GHR: variants seen among roughly 807,000 people sequenced by gnomAD.
GHR encodes growth hormone receptor.
Under a neutral mutation model 67.1 loss-of-function variants are expected in GHR, and 35 were observed. The ratio of observed to expected loss-of-function variants is 0.52; its 90% CI spans 0.40 to 0.69. The LOEUF is 0.69. Among genes scored for constraint, GHR ranks in the 30% least tolerant of loss-of-function variants. The pLI is 0.00. For missense variants in GHR, 792 were observed against 764.6 expected (o/e 1.04, Z -0.42); for synonymous variants, 272 against 269.1 (o/e 1.01, Z -0.10).
intron 1 of GHR, among the ~76,000 whole-genome samples, chr5:42,553,261 G>A (rs1050738733): frequency 6.6e-6 from 1 of 152,154 alleles, no homozygotes; most frequent in African/African-American, 2.4e-5. Flanking sequence ...TGTTGTTAGG[G>A]CCTCTAGGGA....
At chr5:42,682,576 C>T (rs1756940666) in intron 3 of GHR, among the ~76,000 whole-genome samples, 1 of 152,162 alleles carries the variant, frequency 6.6e-6, no homozygotes, top group African/African-American at 2.4e-5. Flanking sequence ...TCTTCAGCCA[C>T]AGCGGCACAA....
chr5:42,575,394 A>G (rs921042935), intron 2 of GHR, among the ~76,000 whole-genome samples: 1 of 152,142 alleles, frequency 6.6e-6, no homozygotes, highest in African/African-American at 2.4e-5. Flanking sequence ...AAGGATTCCT[A>G]TGAAAGTGAA....
chr5:42,483,218 A>C (rs1321887786), intron 1 of GHR, among the ~76,000 whole-genome samples: 1 of 152,062 alleles, frequency 6.6e-6, no homozygotes. Flanking sequence ...CCCCTGGCTA[A>C]TTTTTGTATT....
chr5:42,666,646 G>A (rs1471568369), intron 3 of GHR, among the ~76,000 whole-genome samples: 1 of 152,086 alleles, frequency 6.6e-6, no homozygotes, highest in African/African-American at 2.4e-5. Flanking sequence ...AAAGACCCAT[G>A]GCTACCATAT....
intron 1 of GHR, among the ~76,000 whole-genome samples, chr5:42,526,544 A>T (rs1209996383): frequency 1.3e-5 from 2 of 152,272 alleles, no homozygotes; most frequent in African/African-American, 4.8e-5. Flanking sequence ...TTGGAAGAAT[A>T]CGTCAATAGA....
At position 42,720,364 on chromosome 5, in the gene GHR, T is replaced by C. The variant is rs1358181601; in HGVS notation, c.*940T>C. The C allele has an allele frequency of 6.6e-6, 1 of 152,102 alleles. No homozygotes were observed. Among genetic ancestry groups the C allele is most frequent in the African/African-American group, 2.4e-5 (1 of 41,410 alleles). 9.4% of individuals were successfully genotyped at this position (152,102 alleles called of 1,614,324 possible). ...AAAAAAAAATACATGCTAAGAGAAG[T>C]AGAAATCATAGCTGGTTCACACTGA... On this transcript the variant is annotated 3_prime_UTR_variant, in exon 10 of 10. Transcript: ENST00000230882.
intron 2 of GHR, among the ~76,000 whole-genome samples, chr5:42,594,744 C>A (rs1751977747): frequency 6.6e-6 from 1 of 151,996 alleles, no homozygotes; most frequent in African/African-American, 2.4e-5. Flanking sequence ...TATATTCTTA[C>A]AAATTATTAA....
At position 42,710,998 on chromosome 5, in the gene GHR, G is replaced by A. The variant is rs6873340; in HGVS notation, c.619-209G>A. ...AAGTCTATCATATCTTTGGGTTTAT[G>A]CCAAACTAAATTTGTGAACTATTAT... On this transcript the variant is annotated intron_variant, in intron 6 of 9. Coordinates refer to ENST00000230882, the MANE Select transcript of GHR (RefSeq NM_000163.5). Among the ~76,000 whole-genome samples, 116,711 of 152,110 alleles carry A rather than the reference G, an allele frequency of 0.77. 45,075 individuals are homozygous for A. Among genetic ancestry groups the A allele is most frequent in the East Asian group, 1 (5,184 of 5,190 alleles).
At chr5:42,466,945 G>A (rs1744757646) in intron 1 of GHR, 4 of 1,536,054 alleles carry the variant, frequency 2.6e-6, no homozygotes, top group Non-Finnish European at 3.5e-6. Context: ...AATGAAAGCT[G>A]CACCACACTT....
At chr5:42,571,701 A>T (rs1489140950) in intron 2 of GHR, among the ~76,000 whole-genome samples, 4 of 152,190 alleles carry the variant, frequency 2.6e-5, no homozygotes, top group Non-Finnish European at 5.9e-5. Context: ...AAATTCACAC[A>T]TGCCAGTGAT....
intron 3 of GHR, among the ~76,000 whole-genome samples, chr5:42,657,202 A>G (rs528635843): frequency 9.9e-5 from 15 of 152,232 alleles, no homozygotes; most frequent in African/African-American, 3.6e-4. Context: ...AGGCAGCAAA[A>G]CACAGCATGG....
At chr5:42,676,157 C>T (rs977228260) in intron 3 of GHR, among the ~76,000 whole-genome samples, 2 of 152,174 alleles carry the variant, frequency 1.3e-5, no homozygotes, top group Non-Finnish European at 2.9e-5. Context: ...TGGTGGCACA[C>T]GCCTGTAGTC....
At chr5:42,562,893 C>T (rs1274019650) in intron 1 of GHR, among the ~76,000 whole-genome samples, 1 of 152,094 alleles carries the variant, frequency 6.6e-6, no homozygotes, top group Non-Finnish European at 1.5e-5. Flanking sequence ...TCACGATCTG[C>T]CTGCCTCGGC....
intron 3 of GHR, among the ~76,000 whole-genome samples, chr5:42,674,542 T>C (rs570389366): frequency 6.6e-6 from 1 of 152,332 alleles, no homozygotes; most frequent in South Asian, 2.1e-4. Flanking sequence ...CAACCACTAA[T>C]CTACTTTTCT....
chr5:42,510,083 C>T (rs765426565), intron 1 of GHR, among the ~76,000 whole-genome samples: 1 of 152,146 alleles, frequency 6.6e-6, no homozygotes, highest in Admixed American at 6.5e-5. Context: ...GTCAGTTATC[C>T]CCATTGCAGT....
intron 1 of GHR, among the ~76,000 whole-genome samples, chr5:42,517,974 A>G (rs963810171): frequency 1.3e-5 from 2 of 151,896 alleles, no homozygotes; most frequent in African/African-American, 4.8e-5. Context: ...CATTCACACA[A>G]CTAAGCGGCT....
chr5:42,565,660 G>A, intron 1 of GHR: 1 of 985,274 alleles, frequency 1.0e-6, no homozygotes, highest in Non-Finnish European at 1.2e-6. Flanking sequence ...GCACTCACGG[G>A]AAGTAGAATT....
chr5:42,565,364 G>A (rs1289245049), intron 1 of GHR: 1 of 681,954 alleles, frequency 1.5e-6, no homozygotes, highest in Non-Finnish European at 1.8e-6. Flanking sequence ...TGGCTCATTA[G>A]CAACTCGTTT....
intron 8 of GHR, among the ~76,000 whole-genome samples, chr5:42,715,542 C>CTA (rs1170955081): frequency 3.9e-5 from 6 of 152,286 alleles, no homozygotes; most frequent in African/African-American, 1.4e-4. Context: ...TCAAGTCAGG[C>CTA]TATTATTATA....
Sources: allele counts gnomAD v4.1 joint callset (sites outside exome capture counted in the v4.1 genomes callset), GRCh38; gene constraint gnomAD v4.1.1; transcripts MANE v1.5; gene names NCBI Gene and HGNC (gene_info 2026-07-23, HGNC 2026-07-21).